Variants in SORBS2 observed in about 807,000 individuals in gnomAD.
SORBS2 encodes sorbin and SH3 domain containing 2.
A neutral mutation model predicts 97.7 loss-of-function variants in SORBS2; 46 were observed. That is an observed-to-expected ratio of 0.47 (90% CI 0.37 to 0.60). The LOEUF (loss-of-function observed/expected upper bound fraction) is 0.60. Ranked by LOEUF, SORBS2 falls within the 20% of genes least tolerant of loss-of-function variation. The pLI is 0.00. For missense variants in SORBS2, 1,316 were observed against 1,282.3 expected (o/e 1.03, Z -0.40); for synonymous variants, 476 against 473.4 (o/e 1.01, Z -0.07).
intron 8 of SORBS2, among the ~76,000 whole-genome samples, chr4:185,619,377 T>C (rs2096676965): frequency 6.6e-6 from 1 of 152,142 alleles, no homozygotes; most frequent in Admixed American, 6.6e-5. Flanking sequence ...ACTTTAGGAA[T>C]CCTGGACCAT....
chr4:185,933,873 G>A (rs2099267626), intron 1 of SORBS2, among the ~76,000 whole-genome samples: 1 of 152,162 alleles, frequency 6.6e-6, no homozygotes, highest in Admixed American at 6.5e-5. Context: ...CACCTGATAT[G>A]AAGACCCTTC....
rs1410631274 is a variant in SORBS2 at position 185,811,888 on chromosome 4, C to T, written c.-337-36522G>A. On this transcript the variant is annotated intron_variant, in intron 1 of 20. The change creates a new upstream start codon in the 5' untranslated region. Transcript: ENST00000284776. Reference sequence around the variant, plus strand: ...GGACCAGCGTTAGCAGAGTGCAACACCCTCCGTTTGGATCCCTCGTTTTCA... The same window carrying T: ...GGACCAGCGTTAGCAGAGTGCAACATCCTCCGTTTGGATCCCTCGTTTTCA... 1.3e-5 allele frequency: 2 copies of T among 152,366 alleles called. No individual in the cohort carries two copies. The highest frequency in any genetic ancestry group is 3.8e-4 in the East Asian group (2 of 5,206). 9.4% of individuals were successfully genotyped at this position (152,366 alleles called of 1,614,324 possible). A position where few individuals can be genotyped will look rare whatever the true frequency, so the allele number is the denominator to read the frequency against.
intron 1 of SORBS2, among the ~76,000 whole-genome samples, chr4:185,798,615 A>G (rs2099116607): frequency 6.6e-6 from 1 of 152,200 alleles, no homozygotes; most frequent in African/African-American, 2.4e-5. Context: ...CTTAAAATAC[A>G]TCATCATAGT....
chr4:185,793,370 G>T (rs975477952), intron 1 of SORBS2, among the ~76,000 whole-genome samples: 1 of 152,184 alleles, frequency 6.6e-6, no homozygotes, highest in Non-Finnish European at 1.5e-5. Context: ...CATTTTTGCC[G>T]TGAATACTCC....
chr4:185,736,037 G>T (rs1006220010), intron 2 of SORBS2, among the ~76,000 whole-genome samples: 20 of 152,214 alleles, frequency 1.3e-4, no homozygotes, highest in African/African-American at 4.1e-4. Flanking sequence ...CAGAGCCGTG[G>T]ACAGGTGCCA....
chr4:185,910,357 C>A (rs1345359092), intron 1 of SORBS2, among the ~76,000 whole-genome samples: 1 of 152,100 alleles, frequency 6.6e-6, no homozygotes, highest in African/African-American at 2.4e-5. Flanking sequence ...AACAAAGAAG[C>A]CTTGCTATCC....
intron 1 of SORBS2, among the ~76,000 whole-genome samples, chr4:185,931,881 C>T (rs2149968587): frequency 6.6e-6 from 1 of 151,876 alleles, no homozygotes; most frequent in African/African-American, 2.4e-5. Flanking sequence ...ATGGTCTAGC[C>T]TCTAAGTTTA....
intron 1 of SORBS2, among the ~76,000 whole-genome samples, chr4:185,885,030 T>A (rs1473710140): frequency 6.6e-6 from 1 of 152,182 alleles, no homozygotes; most frequent in Non-Finnish European, 1.5e-5. Flanking sequence ...CCTGGACTTA[T>A]CTTGAGAAGG....
At chr4:185,619,669 C>T (rs755935978) in intron 8 of SORBS2, among the ~76,000 whole-genome samples, 29 of 152,190 alleles carry the variant, frequency 1.9e-4, no homozygotes, top group Non-Finnish European at 3.4e-4. Context: ...TCTGTAGGCT[C>T]TGTATTGATT....
chr4:185,733,346 T>C (rs1380097318), intron 2 of SORBS2, among the ~76,000 whole-genome samples: 5 of 152,150 alleles, frequency 3.3e-5, no homozygotes, highest in Non-Finnish European at 7.4e-5. Flanking sequence ...CCCTTGAGTG[T>C]GATGATTTCA....
Position 185,709,304 on chromosome 4 carries a change from C to CTTTTT in SORBS2, c.-197-30487_-197-30483dup, listed in dbSNP as rs70962587. ...GCATGAGCCGCTGTGCTGGCCAAAT[C>CTTTTT]TTTTTTTTTTTTTTTTTTTTAGTAA... On this transcript the variant is annotated intron_variant, in intron 2 of 20. Coordinates refer to the SORBS2 transcript ENST00000284776. Among the ~76,000 whole-genome samples, 890 of 96,694 alleles carry CTTTTT rather than the reference C, an allele frequency of 9.2e-3. 60 individuals are homozygous for CTTTTT. The highest frequency in any genetic ancestry group is 0.011 in the Admixed American group (103 of 8,960). The allele number at this position is 96,694 out of a possible 152,430, so 63.4% of individuals were successfully genotyped here. A position where few individuals can be genotyped will look rare whatever the true frequency, so the allele number is the denominator to read the frequency against.
chr4:185,609,583 A>G (rs1460703734), intron 12 of SORBS2, among the ~76,000 whole-genome samples: 1 of 152,216 alleles, frequency 6.6e-6, no homozygotes, highest in African/African-American at 2.4e-5. Flanking sequence ...CCTATAATAC[A>G]AAACCCATAC....
chr4:185,593,735 T>C, intron 13 of SORBS2, 151 bp downstream of exon 25: 1 of 619,530 alleles, frequency 1.6e-6, no homozygotes, highest in Admixed American at 2.8e-5. Flanking sequence ...TCATAAAAGA[T>C]GGAGAGACTA....
At chr4:185,945,687 T>G (rs895269908) in intron 1 of SORBS2, among the ~76,000 whole-genome samples, 3 of 152,170 alleles carry the variant, frequency 2.0e-5, no homozygotes, top group Non-Finnish European at 4.4e-5. Context: ...AAACATAAAT[T>G]AAAAATGGTT....
rs1561484486 is a variant in SORBS2 at position 185,623,932 on chromosome 4, C to T, written c.1197G>A (p.Gln399=). 1 of 1,614,210 alleles carries T rather than the reference C, an allele frequency of 6.2e-7. No individual in the cohort carries two copies. The highest frequency in any genetic ancestry group is 8.5e-7 in the Non-Finnish European group (1 of 1,180,020). ...CCCGGGGCACCTCCTCCGTGGAGCA[C>T]TGGCTCCAGGCGCGCAGCAGGTCCT... Residue 399 remains glutamine, a synonymous_variant, in exon 7 of 15, where the codon CAG becomes CAA. Coordinates refer to ENST00000418609, the Ensembl canonical transcript of SORBS2. This position sits in a 1 kb window ranked among gnomAD's most constrained non-coding sequence, Gnocchi z 6.4.
chr4:185,639,154 C>A (rs963011717), intron 4 of SORBS2, 119 bp from the exon 14 acceptor site: 18 of 907,922 alleles, frequency 2.0e-5, no homozygotes, highest in South Asian at 4.0e-5. Flanking sequence ...GGCCTCCGGA[C>A]GGCGAAGTGT....
chr4:185,895,613 G>A (rs1381511738), intron 1 of SORBS2, among the ~76,000 whole-genome samples: 3 of 152,244 alleles, frequency 2.0e-5, no homozygotes, highest in Non-Finnish European at 4.4e-5. Context: ...CTTGCTCAGA[G>A]TCAGGTCTCA....
chr4:185,799,585 T>C (rs955492646), intron 1 of SORBS2, among the ~76,000 whole-genome samples: 16 of 152,142 alleles, frequency 1.1e-4, no homozygotes, highest in African/African-American at 3.9e-4. Flanking sequence ...CGCCCATCCC[T>C]TAAACTACAC....
At chr4:185,881,996 T>G (rs1004012767) in intron 1 of SORBS2, among the ~76,000 whole-genome samples, 3 of 152,212 alleles carry the variant, frequency 2.0e-5, no homozygotes, top group Non-Finnish European at 4.4e-5. Flanking sequence ...TCTTAGACAC[T>G]AATATTTCAT....
Sources: gnomAD v4.1 joint callset for allele counts (sites outside exome capture counted in the v4.1 genomes callset) on GRCh38, gnomAD v4.1.1 for gene constraint, Gnocchi (gnomAD v3.1) non-coding constraint, MANE v1.5 for transcripts, NCBI Gene and HGNC (gene_info 2026-07-23, HGNC 2026-07-21) for gene names.